Variants in PVT1 observed in about 807,000 individuals in gnomAD.
PVT1 encodes the protein Pvt1 oncogene.
rs967459180 is a variant in PVT1 at position 127,806,208 on chromosome 8, A to G, written n.372+10137A>G. The stretch of plus-strand genomic sequence containing the variant: ...CTGGGCACCGTGGCTCATGCCTATA[A>G]TCCCAGCACTTTGGAAGGCTGAGGC... On this transcript the variant is annotated intron_variant and non_coding_transcript_variant, in intron 2 of 10. Coordinates refer to ENST00000651587, the Ensembl canonical transcript of PVT1. 2.0e-5 allele frequency among the ~76,000 whole-genome samples: 3 copies of G among 152,326 alleles called. No individual in the cohort carries two copies. The South Asian group carries it at 6.2e-4, about 32-fold the overall frequency.
intron 3 of PVT1, among the ~76,000 whole-genome samples, chr8:127,913,551 C>T (rs1424542228): frequency 6.6e-6 from 1 of 151,454 alleles, no homozygotes; most frequent in African/African-American, 2.5e-5. Flanking sequence ...TTGGGTGGGT[C>T]CAGTCTGCCC....
At chr8:127,964,959 C>T (rs1474771291) in intron 3 of PVT1, among the ~76,000 whole-genome samples, 1 of 152,188 alleles carries the variant, frequency 6.6e-6, no homozygotes, top group Non-Finnish European at 1.5e-5. Context: ...CACTCCTATC[C>T]AAGATTCTTA....
intron 2 of PVT1, among the ~76,000 whole-genome samples, chr8:127,857,611 T>C (rs1253444351): frequency 6.6e-6 from 1 of 151,890 alleles, no homozygotes. Context: ...AGCTCTGGAG[T>C]TGGAAGCTGC....
intron 3 of PVT1, among the ~76,000 whole-genome samples, chr8:127,911,058 T>C (rs1815891569): frequency 6.6e-6 from 1 of 152,208 alleles, no homozygotes; most frequent in African/African-American, 2.4e-5. Flanking sequence ...AACTCAGTTC[T>C]GACAATCTGT....
rs116781938 is a variant in PVT1, at chr8:127,859,640, G to A, written n.373-30949G>A. Among the ~76,000 whole-genome samples the A allele has an allele frequency of 2.6e-3, 403 of 152,158 alleles. 3 individuals carry two copies. The highest frequency in any genetic ancestry group is 7.3e-3 in the African/African-American group (302 of 41,528). ...GGCTGCCCTGGTCCTGTGGAATCCC[G>A]TCATGGCTTCTGTCTAAACGGAGCA... On this transcript the variant is annotated intron_variant and non_coding_transcript_variant, in intron 2 of 10. Coordinates refer to ENST00000651587, the Ensembl canonical transcript of PVT1.
intron 3 of PVT1, among the ~76,000 whole-genome samples, chr8:127,974,849 CATTA>C (rs1242453131): frequency 2.6e-5 from 4 of 152,148 alleles, no homozygotes; most frequent in Admixed American, 2.6e-4. Context: ...TTTGTCTTTA[CATTA>C]ATTAATGATT....
At chr8:127,973,618 G>GA (rs1412418355) in intron 3 of PVT1, among the ~76,000 whole-genome samples, 2 of 150,924 alleles carry the variant, frequency 1.3e-5, no homozygotes, top group African/African-American at 4.9e-5. Context: ...CCACCTGATG[G>GA]AAAACTAAAG....
chr8:127,816,548 G>A (rs1326852555), intron 2 of PVT1, among the ~76,000 whole-genome samples: 23 of 146,848 alleles, frequency 1.6e-4, no homozygotes, highest in Admixed American at 1.4e-4. Flanking sequence ...ATGGTGTTTC[G>A]CTCTTGTCAC....
intron 4 of PVT1, among the ~76,000 whole-genome samples, chr8:127,996,963 T>A (rs1306967613): frequency 6.6e-6 from 1 of 151,766 alleles, no homozygotes; most frequent in African/African-American, 2.4e-5. Context: ...GACATTGCTG[T>A]CCATCAGTCT....
At chr8:127,821,366 G>T (rs911976408) in intron 2 of PVT1, among the ~76,000 whole-genome samples, 1 of 151,902 alleles carries the variant, frequency 6.6e-6, no homozygotes, top group Non-Finnish European at 1.5e-5. Context: ...ATAAGACTCA[G>T]TTTAAAAAAA....
At chr8:127,976,775 C>T (rs770992079) in intron 3 of PVT1, among the ~76,000 whole-genome samples, 1 of 152,124 alleles carries the variant, frequency 6.6e-6, no homozygotes, top group Non-Finnish European at 1.5e-5. Context: ...AGAGGTCACA[C>T]AGGAAGGAAG....
chr8:128,093,355 C>T (rs900699702), intron 5 of PVT1, among the ~76,000 whole-genome samples: 1 of 152,012 alleles, frequency 6.6e-6, no homozygotes, highest in Non-Finnish European at 1.5e-5. Context: ...GTCAGGAGTT[C>T]GAGACCAGCC....
intron 4 of PVT1, among the ~76,000 whole-genome samples, chr8:128,064,336 T>G (rs1381832453): frequency 6.6e-6 from 1 of 152,222 alleles, no homozygotes; most frequent in Non-Finnish European, 1.5e-5. Context: ...ACGTGTGGGC[T>G]CACGTGGGCA....
intron 4 of PVT1, chr8:128,048,532 G>T (rs888420938): frequency 6.6e-6 from 1 of 152,194 alleles, no homozygotes; most frequent in Admixed American, 6.5e-5. Context: ...GTTAAGTTGG[G>T]CAGATCTGAC....
chr8:127,866,389 A>G (rs7841504), intron 2 of PVT1, among the ~76,000 whole-genome samples: 24,814 of 152,060 alleles, frequency 0.16, 3,101 homozygotes, highest in African/African-American at 0.35. Flanking sequence ...GATGACAGAG[A>G]TGCTGGTGCT....
chr8:127,954,515 G>A (rs921499454), intron 3 of PVT1, among the ~76,000 whole-genome samples: 9 of 151,986 alleles, frequency 5.9e-5, no homozygotes, highest in African/African-American at 1.5e-4. Context: ...GGATGGTCTC[G>A]ATCTCTTGAC....
At chr8:127,908,719 A>G (rs1231774938) in intron 3 of PVT1, among the ~76,000 whole-genome samples, 1 of 152,170 alleles carries the variant, frequency 6.6e-6, no homozygotes, top group Non-Finnish European at 1.5e-5. Flanking sequence ...TAGATGCAGT[A>G]GCACTGCTGG....
chr8:127,821,278 G>A (rs569481242), intron 2 of PVT1, among the ~76,000 whole-genome samples: 6 of 152,196 alleles, frequency 3.9e-5, no homozygotes, highest in South Asian at 4.2e-4. Flanking sequence ...GCCACTAGCC[G>A]CATGTGGCTA....
At chr8:128,096,355 G>T (rs948636207) in intron 5 of PVT1, among the ~76,000 whole-genome samples, 3 of 152,252 alleles carry the variant, frequency 2.0e-5, no homozygotes, top group Non-Finnish European at 1.5e-5. Flanking sequence ...ATCTAGAATG[G>T]TGAAGGAGAG....
Sources: allele counts gnomAD v4.1 joint callset (sites outside exome capture counted in the v4.1 genomes callset), GRCh38; gene constraint gnomAD v4.1.1; transcripts MANE v1.5; gene names NCBI Gene and HGNC (gene_info 2026-07-23, HGNC 2026-07-21).